ABCC5: variants seen among roughly 807,000 people sequenced by gnomAD.
ABCC5 encodes ATP-binding cassette sub-family C member 5.
In ABCC5, 61 loss-of-function variants were observed where a neutral mutation model predicts 160.9. That is an observed-to-expected ratio of 0.38 (90% CI 0.31 to 0.47). The LOEUF (loss-of-function observed/expected upper bound fraction) is 0.47. Ranked by LOEUF, ABCC5 falls within the 20% of genes least tolerant of loss-of-function variation. The pLI is 0.99. For synonymous variants in ABCC5, 666 were observed against 700.6 expected (o/e 0.95, Z 0.78); for missense variants, 1,308 against 1,813.3 (o/e 0.72, Z 5.06).
chr3:183,937,832 T>C (rs1181883786), intron 26 of ABCC5, 69 bp downstream of exon 26: 2 of 1,539,186 alleles, frequency 1.3e-6, no homozygotes, highest in African/African-American at 1.4e-5. Context: ...GGTGCTAGCA[T>C]CATGTGGTCC....
intron 25 of ABCC5, among the ~76,000 whole-genome samples, chr3:183,940,823 C>T (rs976590069): frequency 3.3e-5 from 5 of 151,950 alleles, no homozygotes; most frequent in African/African-American, 9.7e-5. Flanking sequence ...GGAAGAAGCC[C>T]TATTAGAACC....
Position 183,942,935 on chromosome 3 carries a change from C to T in ABCC5, c.3505-19G>A, listed in dbSNP as rs781145442. The T allele has an allele frequency of 6.9e-6, 11 of 1,588,194 alleles. No individual in the cohort carries two copies. The African/African-American group carries it at 1.1e-4, about 16-fold the overall frequency. On this transcript the variant is annotated intron_variant, in intron 24 of 29. Transcript: ENST00000334444. ...ACAGAGTCTGGGGAGACAAGGGTGGCCAGTTCAGACTGACCACAGATTCTT... is the reference window on the plus strand; with the variant it reads ...ACAGAGTCTGGGGAGACAAGGGTGGTCAGTTCAGACTGACCACAGATTCTT...
At chr3:184,008,212 G>A (rs1052343317) in intron 2 of ABCC5, among the ~76,000 whole-genome samples, 4 of 152,132 alleles carry the variant, frequency 2.6e-5, no homozygotes, top group African/African-American at 7.2e-5. Flanking sequence ...TGCTGTGCAT[G>A]CATCTTGAAG....
At chr3:184,004,886 G>T (rs1239349156) in intron 2 of ABCC5, among the ~76,000 whole-genome samples, 1 of 152,042 alleles carries the variant, frequency 6.6e-6, no homozygotes, top group Admixed American at 6.5e-5. Context: ...GCCTGAGTGT[G>T]TCTATTTCCA....
intron 22 of ABCC5, 121 bp from the exon 23 acceptor site, chr3:183,947,631 G>T (rs1714970606): frequency 2.4e-6 from 2 of 817,220 alleles, no homozygotes; most frequent in Non-Finnish European, 3.7e-6. Context: ...TTCTAACTGA[G>T]AGAATGCCCT....
chr3:183,990,084 T>G (rs188467469), intron 2 of ABCC5, among the ~76,000 whole-genome samples: 1 of 151,864 alleles, frequency 6.6e-6, no homozygotes, highest in Non-Finnish European at 1.5e-5. Flanking sequence ...ATTACAGGCA[T>G]GAGCCACCGC....
At chr3:184,011,344 A>G (rs1439787195) in intron 2 of ABCC5, 1 of 152,228 alleles carries the variant, frequency 6.6e-6, no homozygotes, top group African/African-American at 2.4e-5. Flanking sequence ...GGAACTGCAA[A>G]TTAAAACCAC....
Position 183,937,998 on chromosome 3 carries a change from T to A in ABCC5, c.3757A>T (p.Ile1253Phe), listed in dbSNP as rs1577473583. Residue 1253 changes from isoleucine to phenylalanine, a missense_variant, in exon 26 of 30, where the codon ATT becomes TTT. By Grantham distance (21) the Ile-to-Phe change is conservative. Transcript: ENST00000334444. Reference sequence around the variant, plus strand: ...ATATCACTGATTCTCACTCCATCAATCTTGATGCAGCCTCCAGATAACTCC... The same window carrying A: ...ATATCACTGATTCTCACTCCATCAAACTTGATGCAGCCTCCAGATAACTCC... ...LVELSGGCIK[I>F]DGVRISDIGL... The A allele has an allele frequency of 6.2e-7, 1 of 1,614,112 alleles. No individual in the cohort carries two copies. The highest frequency in any genetic ancestry group is 8.5e-7 in the Non-Finnish European group (1 of 1,180,018).
intron 5 of ABCC5, chr3:183,985,268 G>A (rs1161855940): frequency 5.2e-6 from 8 of 1,545,830 alleles, no homozygotes; most frequent in African/African-American, 1.4e-5. Flanking sequence ...CTGTCTGGCT[G>A]TGGAAAGCAT....
intron 2 of ABCC5, among the ~76,000 whole-genome samples, chr3:183,993,954 G>A (rs1720008451): frequency 6.7e-6 from 1 of 149,516 alleles, no homozygotes; most frequent in Non-Finnish European, 1.5e-5. Flanking sequence ...CTGGAATGGA[G>A]ATCTCACTTT....
chr3:183,942,540 T>C, intron 25 of ABCC5, 187 bp downstream of exon 25: 3 of 752,054 alleles, frequency 4.0e-6, no homozygotes, highest in Non-Finnish European at 6.9e-6. Flanking sequence ...TGCACATTTA[T>C]GACTGTGAAA....
Position 183,925,608 on chromosome 3 carries a change from G to A in ABCC5, c.4159C>T (p.Arg1387Cys), listed in dbSNP as rs1712463023. 1.2e-6 allele frequency: 2 copies of A among 1,613,950 alleles called. No individual in the cohort carries two copies. The highest frequency in any genetic ancestry group is 2.2e-5 in the East Asian group (1 of 44,860). ...TCGGAGCCTAGAACCGTGTGCAGGC[G>A]ATGGGCAATGGTCAGCATGGTACAG... Reference protein sequence around the residue: ...ADCTMLTIAHRLHTVLGSDRI... With the variant: ...ADCTMLTIAHCLHTVLGSDRI... The change falls in exon 29 of 30, where the codon CGC (arginine) becomes TGC (cysteine). Residue 1387 changes from arginine to cysteine, a missense_variant. Arg to Cys is a radical substitution (Grantham distance 180). This residue lies in a region of ABCC5 where 163 missense variants were observed against 269.7 expected (regional missense o/e 0.60). Coordinates refer to ENST00000334444, the MANE Select transcript of ABCC5 (RefSeq NM_005688.4).
Position 183,982,664 on chromosome 3 carries a change from C to G in ABCC5, c.826-40G>C. On this transcript the variant is annotated intron_variant, in intron 6 of 29. Transcript: ENST00000334444. This position sits in a 1 kb window ranked among gnomAD's most constrained non-coding sequence, Gnocchi z 5.2. ...GAGTAGTGAGGGGACCCTGCAAGGA[C>G]ACGGTTCATTTGTCTCAGGAGGAAG... is the stretch of plus-strand genomic sequence containing the variant. 1 of 1,610,802 alleles carries G rather than the reference C, an allele frequency of 6.2e-7. No homozygotes were observed.
chr3:183,961,661 G>A lies in ABCC5; in HGVS notation c.2236-7C>T. 1 of 1,614,032 alleles carries A rather than the reference G, an allele frequency of 6.2e-7. No homozygotes were observed. The highest frequency in any genetic ancestry group is 8.5e-7 in the Non-Finnish European group (1 of 1,179,978). On this transcript the variant is annotated splice_region_variant and splice_polypyrimidine_tract_variant and intron_variant, in intron 15 of 29. Transcript: ENST00000334444. ...CATCACAGTCAACCAGGTACTGAAG[G>A]CAAAGGCAGAGACAACACAATATGC...
chr3:184,017,826 C>T lies in ABCC5; in HGVS notation c.-56+4G>A, dbSNP rs956708830. On this transcript the variant is annotated splice_donor_region_variant and intron_variant, in intron 1 of 29. Transcript: ENST00000334444. This position sits in a 1 kb window ranked among gnomAD's most constrained non-coding sequence, Gnocchi z 4.5. ...GCAGGGGTGCGGCAGCAGCCATCACCTACCTGCGCCCCTGCTCCAGGACAA... is the reference window on the plus strand; with the variant it reads ...GCAGGGGTGCGGCAGCAGCCATCACTTACCTGCGCCCCTGCTCCAGGACAA... 1.3e-5 allele frequency: 2 copies of T among 152,480 alleles called. No individual in the cohort carries two copies. Among genetic ancestry groups the T allele is most frequent in the Non-Finnish European group, 2.9e-5 (2 of 68,234 alleles). 9.4% of individuals were successfully genotyped at this position (152,480 alleles called of 1,614,324 possible).
rs749986921 is a variant in ABCC5 at position 183,971,580 on chromosome 3, C to G, written c.1744G>C (p.Asp582His). 1 of 1,613,530 alleles carries G rather than the reference C, an allele frequency of 6.2e-7. No homozygotes were observed. The highest frequency in any genetic ancestry group is 8.5e-7 in the Non-Finnish European group (1 of 1,179,828). The change falls in exon 11 of 30, where the codon GAT becomes CAT. Residue 582 changes from aspartate to histidine, a missense_variant. Asp to His is a moderately conservative substitution (Grantham distance 81). Around this residue, in one of 3 missense-constraint regions of ABCC5, gnomAD observed 1,142 missense variants for 1,527.1 expected, o/e 0.75. Coordinates refer to ENST00000334444, the MANE Select transcript of ABCC5 (RefSeq NM_005688.4). ...LRLQRTLHSI[D>H]LEIQEGKLVG... ...CCACTTACCTCTTGGATCTCCAGAT[C>G]GATGCTGTGCAGTGTCCTCTGTAAG...
intron 10 of ABCC5, among the ~76,000 whole-genome samples, chr3:183,973,123 C>T (rs574440046): frequency 1.8e-4 from 26 of 143,270 alleles, no homozygotes; most frequent in African/African-American, 2.1e-4. Flanking sequence ...GGTGCAATCT[C>T]GGCTCATTGC....
At chr3:183,985,619 T>G in intron 5 of ABCC5, 2 of 584,888 alleles carry the variant, frequency 3.4e-6, no homozygotes, top group South Asian at 3.4e-5. Context: ...TAATTCTTTA[T>G]ACACAGATCA....
rs753960425 is a variant in ABCC5 at position 183,951,540 on chromosome 3, C to T, written c.2845G>A (p.Asp949Asn). ...CGAAGGATCCTTCGGAAAAGCTCGTCATGCAGCCGGGAGGAAGCTCGCAGC... is the reference window on the plus strand; with the variant it reads ...CGAAGGATCCTTCGGAAAAGCTCGTTATGCAGCCGGGAGGAAGCTCGCAGC... ...GTLRASSRLH[D>N]ELFRRILRSP... Residue 949 changes from aspartate to asparagine, a missense_variant, in exon 20 of 30, where the codon GAC becomes AAC. Asp to Asn is a conservative substitution (Grantham distance 23). Around this residue, in one of 3 missense-constraint regions of ABCC5, gnomAD observed 1,142 missense variants for 1,527.1 expected, o/e 0.75. Coordinates refer to ENST00000334444, the MANE Select transcript of ABCC5 (RefSeq NM_005688.4). The surrounding 1 kb of genome is among the most constrained non-coding windows in gnomAD (Gnocchi z 4.7). The T allele has an allele frequency of 1.2e-6, 2 of 1,614,220 alleles. No homozygotes were observed. Among genetic ancestry groups the T allele is most frequent in the Non-Finnish European group, 1.7e-6 (2 of 1,180,046 alleles).
Sources: allele counts gnomAD v4.1 joint callset (sites outside exome capture counted in the v4.1 genomes callset), GRCh38; gene constraint gnomAD v4.1.1; regional missense constraint gnomAD v4.1.1; non-coding constraint Gnocchi (gnomAD v3.1); transcripts MANE v1.5; gene names NCBI Gene and HGNC (gene_info 2026-07-23, HGNC 2026-07-21).